The following RGSL1 variants were observed in gnomAD, a reference collection of about 807,000 sequenced individuals.
The protein encoded by RGSL1 is regulator of G protein signaling protein-like.
A neutral mutation model predicts 124.7 loss-of-function variants in RGSL1; 97 were observed. That is an observed-to-expected ratio of 0.78 (90% CI 0.66 to 0.92). The LOEUF (loss-of-function observed/expected upper bound fraction) is 0.92, where lower values mean the gene tolerates loss of function less well. Ranked by LOEUF, RGSL1 falls within the 40% of genes least tolerant of loss-of-function variation. The pLI is 0.00. For synonymous variants in RGSL1, 424 were observed against 438.1 expected (o/e 0.97, Z 0.40); for missense variants, 1,233 against 1,288.4 (o/e 0.96, Z 0.66).
At chr1:182,469,461 G>A (rs1190450696) in intron 4 of RGSL1, among the ~76,000 whole-genome samples, 1 of 152,186 alleles carries the variant, frequency 6.6e-6, no homozygotes, top group South Asian at 2.1e-4. Context: ...AAACTATAAT[G>A]AGATACCATT....
At chr1:182,526,450 T>C (rs1386127807) in intron 10 of RGSL1, among the ~76,000 whole-genome samples, 1 of 152,146 alleles carries the variant, frequency 6.6e-6, no homozygotes, top group Non-Finnish European at 1.5e-5. Context: ...GGCAGATTGC[T>C]TGAGCTCAGG....
chr1:182,513,025 A>G (rs1332749370), intron 9 of RGSL1, among the ~76,000 whole-genome samples: 1 of 152,186 alleles, frequency 6.6e-6, no homozygotes, highest in Non-Finnish European at 1.5e-5. Context: ...GGCAGGCCAA[A>G]GGGCAACATT....
rs533977938 is a variant in RGSL1, at chr1:182,555,960, CAG to C, written c.3198-60_3198-59del. ...AAAGGAAATGACAGTGACAAACCAA[CAG>C]AGAATGCAACCTCAATTACTGCATC... On this transcript the variant is annotated intron_variant, in intron 20 of 21. Coordinates refer to ENST00000294854, the MANE Select transcript of RGSL1 (RefSeq NM_001137669.2). 3.2e-4 allele frequency: 452 copies of C among 1,430,682 alleles called. 1 individual carries two copies. The highest frequency in any genetic ancestry group is 2.9e-3 in the Admixed American group (148 of 50,196). 88.6% of individuals were successfully genotyped at this position (1,430,682 alleles called of 1,614,324 possible). A position where few individuals can be genotyped will look rare whatever the true frequency, so the allele number is the denominator to read the frequency against.
intron 16 of RGSL1, 41 bp downstream of exon 16, chr1:182,548,496 A>G (rs1478485148): frequency 6.5e-7 from 1 of 1,548,970 alleles, no homozygotes; most frequent in Non-Finnish European, 8.7e-7. Context: ...TTCACCAAGA[A>G]GCATTTCCCC....
At chr1:182,521,890 G>A (rs1219436740) in intron 9 of RGSL1, 114 bp from the exon 10 acceptor site, 19 of 685,458 alleles carry the variant, frequency 2.8e-5, no homozygotes, top group Non-Finnish European at 3.9e-5. Flanking sequence ...GGCAGCAGTT[G>A]TGGGGACAGG....
chr1:182,488,551 C>G, intron 7 of RGSL1: 1 of 537,904 alleles, frequency 1.9e-6, no homozygotes, highest in Non-Finnish European at 3.3e-6. Context: ...TTGGTGAAAC[C>G]CCGTCTCTAC....
At chr1:182,475,541 A>G (rs543699912) in intron 6 of RGSL1, among the ~76,000 whole-genome samples, 1 of 152,198 alleles carries the variant, frequency 6.6e-6, no homozygotes, top group South Asian at 2.1e-4. Context: ...ACAGGAAGCA[A>G]TTACTAGAAC....
chr1:182,534,947 A>T (rs540788499), intron 14 of RGSL1, among the ~76,000 whole-genome samples: 1 of 152,164 alleles, frequency 6.6e-6, no homozygotes, highest in Non-Finnish European at 1.5e-5. Context: ...CACTTCCCCA[A>T]CATTATGTGA....
At chr1:182,452,632 T>C (rs1651942262) in intron 1 of RGSL1, among the ~76,000 whole-genome samples, 1 of 151,934 alleles carries the variant, frequency 6.6e-6, no homozygotes, top group Non-Finnish European at 1.5e-5. Flanking sequence ...TTTGTATTTT[T>C]AGTAGAGACA....
Position 182,556,015 on chromosome 1 carries a change from T to A in RGSL1, c.3198-9T>A, listed in dbSNP as rs375477955. ...AATTGTGATAACTGGCTGTTTTCTCTCCCTTCAGACAAAAATTATCCTACA... is the reference window on the plus strand; with the variant it reads ...AATTGTGATAACTGGCTGTTTTCTCACCCTTCAGACAAAAATTATCCTACA... On this transcript the variant is annotated splice_polypyrimidine_tract_variant and intron_variant, in intron 20 of 21. Transcript: ENST00000294854. 2.6e-6 allele frequency: 4 copies of A among 1,550,718 alleles called. No individual in the cohort carries two copies. In the African/African-American group the frequency reaches 4.1e-5, roughly 16 times the overall value.
chr1:182,494,990 G>A (rs768133211), intron 9 of RGSL1, among the ~76,000 whole-genome samples: 9 of 152,210 alleles, frequency 5.9e-5, no homozygotes, highest in South Asian at 2.1e-4. Context: ...TATAAGCCCC[G>A]AGGTGGTGAT....
In RGSL1 at chr1:182,474,224, C is replaced by T. The variant is rs773344841; in HGVS notation, c.1113C>T (p.His371=). ...AAAGCTTCTCCTTAGGATACATCCA[C>T]TTGGCCTTGTGTGCTGATGCCTGTG... ...IKQSFSLGYI[H]LALCADACAG... Residue 371 remains histidine, a synonymous_variant, in exon 6 of 22, where the codon CAC becomes CAT. Coordinates refer to ENST00000294854, the MANE Select transcript of RGSL1 (RefSeq NM_001137669.2). The T allele has an allele frequency of 1.2e-5, 19 of 1,551,862 alleles. No homozygotes were observed. The highest frequency in any genetic ancestry group is 1.7e-5 in the Non-Finnish European group (19 of 1,147,042).
rs76417023 is a variant in RGSL1 at position 182,549,061 on chromosome 1, C to G, written c.2933+237C>G. The G allele has an allele frequency of 1.6e-3, 686 of 423,420 alleles. 6 individuals are homozygous for G. Among genetic ancestry groups the G allele is most frequent in the African/African-American group, 0.012 (623 of 50,010 alleles). The allele number at this position is 423,420 out of a possible 1,614,324, so 26.2% of individuals were successfully genotyped here. A position where few individuals can be genotyped will look rare whatever the true frequency, so the allele number is the denominator to read the frequency against. On this transcript the variant is annotated intron_variant, in intron 17 of 21. Coordinates refer to ENST00000294854, the MANE Select transcript of RGSL1 (RefSeq NM_001137669.2). ...GAGCCAAACGCCTGGTTTCCCACCC[C>G]TCCTCTTTCTATGCTTGCTTGGAGC...
At chr1:182,504,066 T>C (rs1656617809) in intron 9 of RGSL1, among the ~76,000 whole-genome samples, 1 of 148,922 alleles carries the variant, frequency 6.7e-6, no homozygotes, top group African/African-American at 2.5e-5. Flanking sequence ...CTGCAACCTC[T>C]GCCTCCCGGG....
chr1:182,486,106 A>C (rs902648523), intron 6 of RGSL1, among the ~76,000 whole-genome samples: 11 of 152,196 alleles, frequency 7.2e-5, no homozygotes, highest in Non-Finnish European at 1.6e-4. Context: ...GGACAAGCTC[A>C]ATTCTAAAGA....
At chr1:182,517,947 A>G (rs905360098) in intron 9 of RGSL1, among the ~76,000 whole-genome samples, 4 of 152,136 alleles carry the variant, frequency 2.6e-5, no homozygotes, top group African/African-American at 4.8e-5. Context: ...TTGTGGGTCT[A>G]CGTATGTGTC....
At chr1:182,557,754 T>C (rs1660943074) in intron 21 of RGSL1, among the ~76,000 whole-genome samples, 1 of 152,290 alleles carries the variant, frequency 6.6e-6, no homozygotes, top group East Asian at 1.9e-4. Flanking sequence ...AGGTCTTCCC[T>C]GAGTTGGAAA....
chr1:182,497,090 C>A (rs942292395), intron 9 of RGSL1, among the ~76,000 whole-genome samples: 1 of 151,870 alleles, frequency 6.6e-6, no homozygotes, highest in Admixed American at 6.6e-5. Context: ...TGATTTGGGG[C>A]CCATTGAATT....
At chr1:182,524,427 A>T (rs1399407909) in intron 10 of RGSL1, among the ~76,000 whole-genome samples, 1 of 152,222 alleles carries the variant, frequency 6.6e-6, no homozygotes, top group Non-Finnish European at 1.5e-5. Flanking sequence ...ACAGATGTAC[A>T]AAGCAATGAA....
Sources: allele counts gnomAD v4.1 joint callset (sites outside exome capture counted in the v4.1 genomes callset), GRCh38; gene constraint gnomAD v4.1.1; transcripts MANE v1.5; gene names NCBI Gene and HGNC (gene_info 2026-07-23, HGNC 2026-07-21).